Variants in NPAS3 observed in about 807,000 individuals in gnomAD.
The protein encoded by NPAS3 is neuronal PAS domain-containing protein 3.
In NPAS3, 14 loss-of-function variants were observed where a neutral mutation model predicts 73.1. The ratio of observed to expected loss-of-function variants is 0.19; its 90% CI spans 0.13 to 0.30. The LOEUF (loss-of-function observed/expected upper bound fraction) is 0.30, where lower values mean the gene tolerates loss of function less well. Among genes scored for constraint, NPAS3 ranks in the 10% least tolerant of loss-of-function variants. The pLI is 1.00. For synonymous variants in NPAS3, 620 were observed against 541.5 expected (o/e 1.14, Z -2.01); for missense variants, 1,096 against 1,250.0 (o/e 0.88, Z 1.86).
At chr14:33,395,618 G>A (rs1360035296) in intron 4 of NPAS3, among the ~76,000 whole-genome samples, 3 of 151,920 alleles carry the variant, frequency 2.0e-5, no homozygotes, top group Admixed American at 1.3e-4. Flanking sequence ...GATAATTCAT[G>A]TTTATATTTA....
chr14:32,940,438 T>C (rs2035942906), intron 1 of NPAS3, among the ~76,000 whole-genome samples: 2 of 152,240 alleles, frequency 1.3e-5, no homozygotes, highest in South Asian at 2.1e-4. Context: ...TTACTATTAA[T>C]TGGCAACGTT....
chr14:33,198,523 G>T (rs527444288), intron 2 of NPAS3, among the ~76,000 whole-genome samples: 1 of 152,164 alleles, frequency 6.6e-6, no homozygotes, highest in East Asian at 1.9e-4. Flanking sequence ...ACTGATTGGT[G>T]CGTTTGCAAA....
chr14:33,275,533 G>A (rs7152368), intron 3 of NPAS3, among the ~76,000 whole-genome samples: 111,219 of 152,060 alleles, frequency 0.73, 41,207 homozygotes, highest in Non-Finnish European at 0.77. Flanking sequence ...TAAAATTAGT[G>A]ACAGAGATTT....
intron 2 of NPAS3, among the ~76,000 whole-genome samples, chr14:33,155,805 T>G (rs536367148): frequency 6.6e-5 from 10 of 152,330 alleles, no homozygotes; most frequent in African/African-American, 2.2e-4. Context: ...TCTGTATTGA[T>G]TCCCATTTTG....
intron 2 of NPAS3, among the ~76,000 whole-genome samples, chr14:33,203,567 C>T (rs564499524): frequency 1.6e-4 from 24 of 152,134 alleles, no homozygotes; most frequent in South Asian, 6.2e-4. Flanking sequence ...TGAGAACATG[C>T]GGTGTTTGGT....
chr14:33,263,260 A>G (rs966528913), intron 3 of NPAS3, among the ~76,000 whole-genome samples: 2 of 152,156 alleles, frequency 1.3e-5, no homozygotes, highest in Non-Finnish European at 2.9e-5. Flanking sequence ...TAGGTCTAAC[A>G]TTTAAGTCTT....
intron 5 of NPAS3, among the ~76,000 whole-genome samples, chr14:33,628,959 C>T (rs550346467): frequency 6.6e-6 from 1 of 152,120 alleles, no homozygotes; most frequent in South Asian, 2.1e-4. Flanking sequence ...GGGCCGGGCG[C>T]AGTGGCTCAC....
intron 3 of NPAS3, among the ~76,000 whole-genome samples, chr14:33,264,894 G>A (rs1461627356): frequency 2.6e-5 from 4 of 152,112 alleles, no homozygotes; most frequent in Admixed American, 2.6e-4. Flanking sequence ...GCACTTTGTA[G>A]CCTGGTCCCC....
chr14:33,361,405 C>T (rs1359297603), intron 3 of NPAS3, among the ~76,000 whole-genome samples: 1 of 152,134 alleles, frequency 6.6e-6, no homozygotes, highest in Non-Finnish European at 1.5e-5. Flanking sequence ...AGTGAACACC[C>T]CCTTGACTAA....
intron 3 of NPAS3, among the ~76,000 whole-genome samples, chr14:33,362,768 A>G (rs2045664185): frequency 6.6e-6 from 1 of 152,142 alleles, no homozygotes; most frequent in Admixed American, 6.5e-5. Flanking sequence ...GTGATGCCGT[A>G]CTGCCCTCCA....
intron 4 of NPAS3, among the ~76,000 whole-genome samples, chr14:33,463,083 T>G (rs2050348046): frequency 6.6e-6 from 1 of 152,206 alleles, no homozygotes. Flanking sequence ...AATATGGCAA[T>G]AGGTAATGGC....
intron 1 of NPAS3, among the ~76,000 whole-genome samples, chr14:33,044,085 G>A (rs2040427022): frequency 6.6e-6 from 1 of 152,160 alleles, no homozygotes; most frequent in African/African-American, 2.4e-5. Flanking sequence ...CATGCCAGAG[G>A]TCAGATAGAG....
chr14:33,786,197 T>C (rs184983776), intron 9 of NPAS3, among the ~76,000 whole-genome samples: 1 of 152,184 alleles, frequency 6.6e-6, no homozygotes, highest in African/African-American at 2.4e-5. Context: ...AGTGGCAGAA[T>C]AGCTGTTGAG....
intron 4 of NPAS3, among the ~76,000 whole-genome samples, chr14:33,421,026 A>T (rs1174873139): frequency 6.6e-6 from 1 of 151,962 alleles, no homozygotes; most frequent in Non-Finnish European, 1.5e-5. Context: ...CCAGGTTTTC[A>T]TGCTATATTA....
chr14:33,480,569 C>G (rs1345732607), intron 4 of NPAS3, among the ~76,000 whole-genome samples: 2 of 125,534 alleles, frequency 1.6e-5, no homozygotes, highest in South Asian at 2.9e-4. Context: ...CCCTCCCTCC[C>G]TCCCTCTCTC....
intron 3 of NPAS3, among the ~76,000 whole-genome samples, chr14:33,231,443 CAA>C (rs1240915864): frequency 6.6e-6 from 1 of 152,058 alleles, no homozygotes; most frequent in African/African-American, 2.4e-5. Flanking sequence ...ATTGGAGACA[CAA>C]AATTATTCAT....
chr14:33,602,576 A>G (rs537874047), intron 5 of NPAS3, among the ~76,000 whole-genome samples: 97 of 152,282 alleles, frequency 6.4e-4, no homozygotes, highest in Non-Finnish European at 1.2e-3. Context: ...AGAAGGGCCC[A>G]CACCCACTGT....
intron 2 of NPAS3, among the ~76,000 whole-genome samples, chr14:33,143,152 T>G (rs940527346): frequency 1.3e-5 from 2 of 151,666 alleles, no homozygotes; most frequent in Non-Finnish European, 2.9e-5. Flanking sequence ...CCTTTAAGAT[T>G]ATAAGATAAT....
chr14:33,278,054 T>G (rs1182054787), intron 3 of NPAS3, among the ~76,000 whole-genome samples: 1 of 152,124 alleles, frequency 6.6e-6, no homozygotes. Context: ...TCAGGTTATA[T>G]TTTGAAGGCT....
Sources: allele counts gnomAD v4.1 joint callset (sites outside exome capture counted in the v4.1 genomes callset), GRCh38; gene constraint gnomAD v4.1.1; transcripts MANE v1.5; gene names NCBI Gene and HGNC (gene_info 2026-07-23, HGNC 2026-07-21).